Variants in PPIP5K2 observed in about 807,000 individuals in gnomAD.
PPIP5K2 encodes inositol hexakisphosphate and diphosphoinositol-pentakisphosphate kinase 2.
A neutral mutation model predicts 154.6 loss-of-function variants in PPIP5K2; 105 were observed. The ratio of observed to expected loss-of-function variants is 0.68; its 90% CI spans 0.58 to 0.80. The LOEUF is 0.80. Among genes scored for constraint, PPIP5K2 ranks in the 30% least tolerant of loss-of-function variants. The pLI, the probability that PPIP5K2 is intolerant of heterozygous loss-of-function variation, is 0.00. For synonymous variants in PPIP5K2, 480 were observed against 490.3 expected, an observed-to-expected ratio of 0.98 and a Z score of 0.28; for missense variants, 992 against 1,504.6, an observed-to-expected ratio of 0.66 and a Z score of 5.64.
chr5:103,152,547 A>G, intron 9 of PPIP5K2, 101 bp from the exon 10 acceptor site: 1 of 673,222 alleles, frequency 1.5e-6, no homozygotes, highest in East Asian at 2.8e-5. Flanking sequence ...TGATGTAATC[A>G]CTAGATAGTT....
chr5:103,166,687 A>G (rs1176242213), intron 17 of PPIP5K2, among the ~76,000 whole-genome samples: 3 of 152,006 alleles, frequency 2.0e-5, no homozygotes, highest in Admixed American at 6.6e-5. Flanking sequence ...TATTTTGTAT[A>G]TGTATTATAT....
At chr5:103,122,848 T>A (rs1788999654) in intron 1 of PPIP5K2, among the ~76,000 whole-genome samples, 1 of 152,212 alleles carries the variant, frequency 6.6e-6, no homozygotes, top group East Asian at 1.9e-4. Flanking sequence ...AAGGGGGATC[T>A]GAATACTAGG....
chr5:103,174,569 A>G (rs1798424989), intron 21 of PPIP5K2, among the ~76,000 whole-genome samples: 1 of 152,026 alleles, frequency 6.6e-6, no homozygotes, highest in African/African-American at 2.4e-5. Flanking sequence ...ATCAAGCAGA[A>G]CACCTACATC....
chr5:103,156,010 T>G lies in PPIP5K2; in HGVS notation c.1489+16T>G. The G allele has an allele frequency of 6.7e-7, 1 of 1,494,912 alleles. No homozygotes were observed. Among genetic ancestry groups the G allele is most frequent in the Non-Finnish European group, 9.3e-7 (1 of 1,072,556 alleles). The allele number at this position is 1,494,912 out of a possible 1,614,324, so 92.6% of individuals were successfully genotyped here. On this transcript the variant is annotated intron_variant, in intron 14 of 30. Transcript: ENST00000358359. ...GAAGAGGAGGGTATGTTATTCTTAA[T>G]GCTTATACAGTAGTTTTATATGTAG...
At chr5:103,181,974 G>A (rs181529869) in intron 24 of PPIP5K2, among the ~76,000 whole-genome samples, 1 of 152,172 alleles carries the variant, frequency 6.6e-6, no homozygotes, top group Admixed American at 6.5e-5. Context: ...ATTAAAGAGG[G>A]TATTTAACAA....
In PPIP5K2 at chr5:103,151,336, T is replaced by G. The variant is rs922886115; in HGVS notation, c.990T>G (p.Asn330Lys). 24 of 1,610,822 alleles carry G rather than the reference T, an allele frequency of 1.5e-5. No homozygotes were observed. Among genetic ancestry groups the G allele is most frequent in the Non-Finnish European group, 2.0e-5 (23 of 1,177,714 alleles). ...TCAATGGCTTCAGTTTTGTGAAAAA[T>G]TCCATGAAGTATTATGATGACTGTG... is the stretch of plus-strand genomic sequence containing the variant. The part of the protein sequence containing the change: ...CDVNGFSFVK[N>K]SMKYYDDCAK... The change falls in exon 9 of 31, where the codon AAT (asparagine) becomes AAG (lysine). Residue 330 changes from asparagine to lysine, a missense_variant. Asn to Lys is a moderately conservative substitution (Grantham distance 94, BLOSUM62 0). This residue lies in a region of PPIP5K2 where 163 missense variants were observed against 285.2 expected (regional missense o/e 0.57). Coordinates refer to ENST00000358359, the MANE Select transcript of PPIP5K2 (RefSeq NM_001276277.3).
chr5:103,187,639 T>G (rs1254492000), intron 28 of PPIP5K2, among the ~76,000 whole-genome samples: 1 of 152,194 alleles, frequency 6.6e-6, no homozygotes, highest in African/African-American at 2.4e-5. Flanking sequence ...AATTAACACC[T>G]GAAAATTTCA....
rs1554232235 is a variant in PPIP5K2 at position 103,206,459 on chromosome 5, A to G, written c.*4825A>G. On this transcript the variant is annotated 3_prime_UTR_variant, in exon 31 of 31. Coordinates refer to ENST00000358359, the MANE Select transcript of PPIP5K2 (RefSeq NM_001276277.3). ...ATCATCTACTCACCCCTAGATAAATAGAATACTCCAGGAGATTCCCATGAC... is the reference window on the plus strand; with the variant it reads ...ATCATCTACTCACCCCTAGATAAATGGAATACTCCAGGAGATTCCCATGAC... 6.6e-6 allele frequency: 1 copy of G among 152,218 alleles called. No homozygotes were observed. Among genetic ancestry groups the G allele is most frequent in the African/African-American group, 2.4e-5 (1 of 41,452 alleles). 9.4% of individuals were successfully genotyped at this position (152,218 alleles called of 1,614,324 possible).
chr5:103,153,833 A>AT lies in PPIP5K2; in HGVS notation c.1131-9dup. The AT allele has an allele frequency of 6.4e-7, 1 of 1,554,226 alleles. No homozygotes were observed. The highest frequency in any genetic ancestry group is 8.8e-7 in the Non-Finnish European group (1 of 1,137,044). On this transcript the variant is annotated splice_polypyrimidine_tract_variant and intron_variant, in intron 10 of 30. Coordinates refer to ENST00000358359, the MANE Select transcript of PPIP5K2 (RefSeq NM_001276277.3). ...TTTTTAGAGAATTAAGAACATATAT[A>AT]TTTTTTCATTTTAGGATGGAACTTA...
At chr5:103,185,680 T>C (rs1800260515) in intron 26 of PPIP5K2, among the ~76,000 whole-genome samples, 1 of 152,102 alleles carries the variant, frequency 6.6e-6, no homozygotes, top group Admixed American at 6.6e-5. Context: ...GGCTGTTTTA[T>C]TTGCTTATAA....
chr5:103,146,414 T>C, intron 5 of PPIP5K2, 113 bp from the exon 6 acceptor site: 1 of 1,092,982 alleles, frequency 9.1e-7, no homozygotes, highest in Non-Finnish European at 1.3e-6. Context: ...GTAAGTACAT[T>C]ATCCAAGTTT....
chr5:103,154,936 T>C lies in PPIP5K2; in HGVS notation c.1396T>C (p.Leu466=), dbSNP rs781966237. 1.9e-6 allele frequency: 3 copies of C among 1,565,574 alleles called. No homozygotes were observed. In the South Asian group the frequency reaches 3.7e-5, roughly 19 times the overall value. ...AAAACTTGAACAACTTAAGACTGTA[T>C]TAGAGATGTGAGTATCTTTTTGAAA... ...KPKLEQLKTV[L]EMYGHFSGIN... is the part of the protein sequence containing the mutation. Residue 466 remains leucine (L), a synonymous_variant, in exon 13 of 31, where the codon TTA becomes CTA. Transcript: ENST00000358359.
At chr5:103,144,299 G>GA (rs782517257) in intron 5 of PPIP5K2, among the ~76,000 whole-genome samples, 17 of 151,766 alleles carry the variant, frequency 1.1e-4, no homozygotes, top group Non-Finnish European at 1.9e-4. Flanking sequence ...CAAAAAAATG[G>GA]AAAAATACTC....
intron 17 of PPIP5K2, among the ~76,000 whole-genome samples, chr5:103,166,391 G>A (rs1797120827): frequency 6.6e-6 from 1 of 151,952 alleles, no homozygotes; most frequent in South Asian, 2.1e-4. Flanking sequence ...GAGATCATTA[G>A]GAATCTACCT....
In PPIP5K2 at chr5:103,149,133, T is replaced by C. The variant is rs1421748383; in HGVS notation, c.745-19T>C. ...ACATACATATATATATTTATACATT[T>C]ATTAAACATTTGTGAAAGGTTTATA... On this transcript the variant is annotated intron_variant, in intron 7 of 30. Transcript: ENST00000358359. 6.3e-7 allele frequency: 1 copy of C among 1,577,142 alleles called. No homozygotes were observed. Among genetic ancestry groups the C allele is most frequent in the African/African-American group, 1.4e-5 (1 of 72,966 alleles).
rs1211857894 is a variant in PPIP5K2, at chr5:103,173,895, C to T, written c.2452C>T (p.Arg818Cys). 1 of 1,608,338 alleles carries T rather than the reference C, an allele frequency of 6.2e-7. No homozygotes were observed. Among genetic ancestry groups the T allele is most frequent in the Non-Finnish European group, 8.5e-7 (1 of 1,175,740 alleles). The change falls in exon 21 of 31, where the codon CGT becomes TGT. Residue 818 changes from arginine to cysteine, a missense_variant. Arg to Cys is a radical substitution (Grantham distance 180). Around this residue, in one of 9 missense-constraint regions of PPIP5K2, gnomAD observed 157 missense variants for 281.2 expected, o/e 0.56. Coordinates refer to ENST00000358359, the MANE Select transcript of PPIP5K2 (RefSeq NM_001276277.3). ...RGVLSPERHV[R>C]TRLYFTSESH... ...TGTTCTGTCTCCTGAACGTCATGTT[C>T]GTACTAGATTATATTTTACCAGTGA...
At chr5:103,161,413 T>C (rs1401308714) in intron 17 of PPIP5K2, among the ~76,000 whole-genome samples, 2 of 152,234 alleles carry the variant, frequency 1.3e-5, no homozygotes, top group South Asian at 2.1e-4. Context: ...GGTGCCACAA[T>C]AAACATACGT....
chr5:103,190,857 C>A lies in PPIP5K2; in HGVS notation c.3368C>A (p.Ser1123Tyr), dbSNP rs781942250. ...RHPTNGFELY[S>Y]MVPSICPLET... ...TCTCTTCTAGGCTTTGAATTGTATT[C>A]CATGGTGCCATCTATTTGTCCTCTA... Residue 1123 changes from serine (S) to tyrosine (Y), a missense_variant, in exon 29 of 31, where the codon TCC becomes TAC. Ser to Tyr is a moderately radical substitution (Grantham distance 144). Transcript: ENST00000358359. 6.3e-7 allele frequency: 1 copy of A among 1,594,418 alleles called. No individual in the cohort carries two copies. Among genetic ancestry groups the A allele is most frequent in the East Asian group, 2.3e-5 (1 of 44,122 alleles).
chr5:103,140,092 T>C (rs1488732113), intron 5 of PPIP5K2, among the ~76,000 whole-genome samples: 2 of 150,184 alleles, frequency 1.3e-5, no homozygotes, highest in African/African-American at 5.0e-5. Context: ...ACTCCTTTCT[T>C]CGTTTTTCTT....
Sources: allele counts gnomAD v4.1 joint callset (sites outside exome capture counted in the v4.1 genomes callset), GRCh38; gene constraint gnomAD v4.1.1; regional missense constraint gnomAD v4.1.1; transcripts MANE v1.5; gene names NCBI Gene and HGNC (gene_info 2026-07-23, HGNC 2026-07-21).